LIPT2: variants seen among roughly 807,000 people sequenced by gnomAD.
The protein encoded by LIPT2 is octanoyl-[acyl-carrier-protein]:protein N-octanoyltransferase LIPT2, mitochondrial.
In LIPT2, 16 loss-of-function variants were observed where a neutral mutation model predicts 16.2. The ratio of observed to expected loss-of-function variants is 0.99; its 90% CI spans 0.67 to 1.50. LIPT2 has a LOEUF of 1.50. Ranked by LOEUF, LIPT2 falls within the 40% of genes most tolerant of loss-of-function variation. The pLI is 0.00. For missense variants in LIPT2, 424 were observed against 347.7 expected (o/e 1.22, Z -1.75); for synonymous variants, 199 against 169.3 (o/e 1.18, Z -1.36).
rs1864391216 is a variant in LIPT2, at chr11:74,493,315, T to C, written c.389A>G (p.Gln130Arg). ...EACAVRLCEL[Q>R]GLQDARARPP... The stretch of plus-strand genomic sequence containing the variant: ...CCGCGCGCGGGCGTCCTGCAGGCCC[T>C]GGAGCTCGCACAGGCGCACGGCGCA... The change falls in exon 1 of 2, where the codon CAG becomes CGG. Residue 130 changes from glutamine to arginine, a missense_variant. Transcript: ENST00000310109. The C allele has an allele frequency of 1.4e-6, 2 of 1,462,914 alleles. No individual in the cohort carries two copies. Among genetic ancestry groups the C allele is most frequent in the South Asian group, 1.3e-5 (1 of 75,932 alleles). 90.6% of individuals were successfully genotyped at this position (1,462,914 alleles called of 1,614,324 possible). A position where few individuals can be genotyped will look rare whatever the true frequency, so the allele number is the denominator to read the frequency against.
rs1257940843 is a variant in LIPT2 at position 74,493,341 on chromosome 11, C to A, written c.363G>T (p.Ala121=). Residue 121 remains alanine (A), a synonymous_variant, in exon 1 of 2, where the codon GCG becomes GCT. Transcript: ENST00000310109. Reference sequence around the variant, plus strand: ...GGAGCTCGCACAGGCGCACGGCGCACGCCTCCAGCGACGCTACGTGCATGC... The same window carrying A: ...GGAGCTCGCACAGGCGCACGGCGCAAGCCTCCAGCGACGCTACGTGCATGC... The part of the protein sequence containing the change: ...RLRMHVASLE[A]CAVRLCELQG... The A allele has an allele frequency of 5.3e-6, 8 of 1,498,512 alleles. No homozygotes were observed. The highest frequency in any genetic ancestry group is 7.1e-6 in the Non-Finnish European group (8 of 1,130,132). The allele number at this position is 1,498,512 out of a possible 1,614,324, so 92.8% of individuals were successfully genotyped here.
intron 1 of LIPT2, among the ~76,000 whole-genome samples, chr11:74,492,643 C>T (rs1864368269): frequency 1.3e-5 from 2 of 151,856 alleles, no homozygotes; most frequent in African/African-American, 4.8e-5. Context: ...CAGTGGCTCA[C>T]GCCTGTAATC....
rs931833159 is a variant in LIPT2, at chr11:74,491,218, G to A, written c.*917C>T. ...CTTGTCAGCAACCATAACCAACCAC[G>A]CAAGTGAATGCACCATATGGAGCGC... On this transcript the variant is annotated 3_prime_UTR_variant, in exon 2 of 2. Coordinates refer to ENST00000310109, the MANE Select transcript of LIPT2 (RefSeq NM_001144869.3). Among the ~76,000 whole-genome samples, 1 of 152,144 alleles carries A rather than the reference G, an allele frequency of 6.6e-6. No individual in the cohort carries two copies. The highest frequency in any genetic ancestry group is 2.4e-5 in the African/African-American group (1 of 41,426).
In LIPT2 at chr11:74,492,186, G is replaced by A. The variant is rs1007228286; in HGVS notation, c.645C>T (p.Ala215=). 1.3e-6 allele frequency: 2 copies of A among 1,550,944 alleles called. No individual in the cohort carries two copies. The highest frequency in any genetic ancestry group is 1.7e-6 in the Non-Finnish European group (2 of 1,146,750). The change falls in exon 2 of 2, where the codon GCC becomes GCT. Residue 215 remains alanine (A), a synonymous_variant. Transcript: ENST00000310109. ...VEEVMPPFLV[A]FKEIYKCTLI... is the part of the protein sequence containing the mutation. Reference sequence around the variant, plus strand: ...GTGTGCACTTGTAGATCTCCTTAAAGGCCACAAGGAAAGGTGGCATTACTT... The same window carrying A: ...GTGTGCACTTGTAGATCTCCTTAAAAGCCACAAGGAAAGGTGGCATTACTT...
At position 74,492,158 on chromosome 11, in the gene LIPT2, T is replaced by A. The variant is rs1418870028; in HGVS notation, c.673A>T (p.Ile225Phe). 1.9e-6 allele frequency: 3 copies of A among 1,551,600 alleles called. No homozygotes were observed. The African/African-American group carries it at 4.1e-5, about 21-fold the overall frequency. ...CTTCAGTTGGGGCTGTCCTCTGAGA[T>A]CAGTGTGCACTTGTAGATCTCCTTA... Reference protein sequence around the residue: ...AFKEIYKCTLISEDSPN With the variant: ...AFKEIYKCTLFSEDSPN Residue 225 changes from isoleucine (I) to phenylalanine (F), a missense_variant, in exon 2 of 2, where the codon ATC becomes TTC. Transcript: ENST00000310109.
chr11:74,493,441 A>C lies in LIPT2; in HGVS notation c.263T>G (p.Leu88Arg). 2.7e-6 allele frequency: 4 copies of C among 1,499,360 alleles called. No homozygotes were observed. The Admixed American group carries it at 6.4e-5, about 24-fold the overall frequency. The allele number at this position is 1,499,360 out of a possible 1,614,324, so 92.9% of individuals were successfully genotyped here. A position where few individuals can be genotyped will look rare whatever the true frequency, so the allele number is the denominator to read the frequency against. Residue 88 changes from leucine (L) to arginine (R), a missense_variant, in exon 1 of 2, where the codon CTG (leucine) becomes CGG (arginine). Transcript: ENST00000310109. Reference sequence around the variant, plus strand: ...CTGGCCCGGGCCGTGGAAGGTGGCCAGGCCACCGCGGCCTGTGACGCGCAC... The same window carrying C: ...CTGGCCCGGGCCGTGGAAGGTGGCCCGGCCACCGCGGCCTGTGACGCGCAC... ...AEVRVTGRGGLATFHGPGQLL... is the reference protein window; with the variant it reads ...AEVRVTGRGGRATFHGPGQLL...
chr11:74,491,496 T>A lies in LIPT2; in HGVS notation c.*639A>T, dbSNP rs1384695720. On this transcript the variant is annotated 3_prime_UTR_variant, in exon 2 of 2. Coordinates refer to ENST00000310109, the MANE Select transcript of LIPT2 (RefSeq NM_001144869.3). ...AAAACTCACTTCTATCTTTGGCATT[T>A]GTACAGTGTGAGAAATTATTCTTAT... 6.6e-6 allele frequency among the ~76,000 whole-genome samples: 1 copy of A among 152,246 alleles called. No individual in the cohort carries two copies. The highest frequency in any genetic ancestry group is 1.5e-5 in the Non-Finnish European group (1 of 68,034).
chr11:74,491,002 C>T lies in LIPT2; in HGVS notation c.*1133G>A, dbSNP rs1052558925. Among the ~76,000 whole-genome samples, 3 of 152,212 alleles carry T rather than the reference C, an allele frequency of 2.0e-5. No homozygotes were observed. Among genetic ancestry groups the T allele is most frequent in the African/African-American group, 7.2e-5 (3 of 41,452 alleles). The stretch of plus-strand genomic sequence containing the variant: ...TTGCCCTAGTGCAGTCCCTTCCACA[C>T]TGAACAGGGCTCATCTGTTAGAAGA... On this transcript the variant is annotated 3_prime_UTR_variant, in exon 2 of 2. Transcript: ENST00000310109.
chr11:74,492,523 TGAAAG>T (rs1215016452), intron 1 of LIPT2, among the ~76,000 whole-genome samples, 159 bp from the exon 2 acceptor site: 2 of 131,204 alleles, frequency 1.5e-5, no homozygotes, highest in East Asian at 4.6e-4. Context: ...AGGAAACAAA[TGAAAG>T]GAAGGGGTGC....
rs1299464810 is a variant in LIPT2 at position 74,493,243 on chromosome 11, G to A, written c.461C>T (p.Ala154Val). Residue 154 changes from alanine to valine, a missense_variant, in exon 1 of 2, where the codon GCG (alanine) becomes GTG (valine). Physicochemically the swap from Ala to Val is moderately conservative, Grantham distance 64 (BLOSUM62 0). Coordinates refer to ENST00000310109, the MANE Select transcript of LIPT2 (RefSeq NM_001144869.3). Reference sequence around the variant, plus strand: ...CCCTGCTCCGCGGCGCTCACCGATCGCGCAGATCTTGCGATCGTCTAGCCA... The same window carrying A: ...CCCTGCTCCGCGGCGCTCACCGATCACGCAGATCTTGCGATCGTCTAGCCA... ...GVWLDDRKIC[A>V]IGVRCGRHIT... 11 of 1,349,718 alleles carry A rather than the reference G, an allele frequency of 8.1e-6. No homozygotes were observed. Among genetic ancestry groups the A allele is most frequent in the South Asian group, 3.6e-5 (2 of 56,186 alleles). The allele number at this position is 1,349,718 out of a possible 1,614,324, so 83.6% of individuals were successfully genotyped here.
Position 74,492,297 on chromosome 11 carries a change from C to T in LIPT2, c.534G>A (p.Trp178Ter), listed in dbSNP as rs1349725988. The change falls in exon 2 of 2, where the codon TGG (tryptophan) becomes TGA (stop). Residue 178 changes from tryptophan (W) to a stop codon, truncating the protein, a stop_gained. Transcript: ENST00000310109. LOFTEE classifies it high-confidence loss of function. Reference sequence around the variant, plus strand: ...GTCCACAGGGCACGATGTGCTCAAACCACGTGAGGTCGGTAGAGCAGTTGA... The same window carrying T: ...GTCCACAGGGCACGATGTGCTCAAATCACGTGAGGTCGGTAGAGCAGTTGA... ...LALNCSTDLT[W>*]FEHIVPCGLV... The T allele has an allele frequency of 6.4e-7, 1 of 1,551,838 alleles. No homozygotes were observed. The highest frequency in any genetic ancestry group is 8.7e-7 in the Non-Finnish European group (1 of 1,147,008).
Position 74,493,101 on chromosome 11 carries a change from A to G in LIPT2, c.466+137T>C, listed in dbSNP as rs945417367. On this transcript the variant is annotated intron_variant, in intron 1 of 1. Transcript: ENST00000310109. ...GCTTAAAAACTCAAACGCAGCGGGT[A>G]GCTGTGATTCAAAACCCGCGCTAGA... is the stretch of plus-strand genomic sequence containing the variant. 3 of 509,650 alleles carry G rather than the reference A, an allele frequency of 5.9e-6. No individual in the cohort carries two copies. The African/African-American group carries it at 5.9e-5, about 10-fold the overall frequency. The allele number at this position is 509,650 out of a possible 1,614,324, so 31.6% of individuals were successfully genotyped here.
At position 74,493,628 on chromosome 11, in the gene LIPT2, A is replaced by G. The variant is rs1864409365; in HGVS notation, c.76T>C (p.Trp26Arg). 1 of 1,458,586 alleles carries G rather than the reference A, an allele frequency of 6.9e-7. No homozygotes were observed. Among genetic ancestry groups the G allele is most frequent in the Non-Finnish European group, 9.0e-7 (1 of 1,111,604 alleles). 90.4% of individuals were successfully genotyped at this position (1,458,586 alleles called of 1,614,324 possible). A position where few individuals can be genotyped will look rare whatever the true frequency, so the allele number is the denominator to read the frequency against. ...GGCTCGGCCTGCAGCCGCCGCAGCC[A>G]GCGGTCCTGCAGCCCCAGTAGCTCG... ...YAELLGLQDR[W>R]LRRLQAEPGI... The change falls in exon 1 of 2, where the codon TGG becomes CGG. Residue 26 changes from tryptophan (W) to arginine (R), a missense_variant. Physicochemically the swap from Trp to Arg is moderately radical, Grantham distance 101 (BLOSUM62 -3). Transcript: ENST00000310109.
rs760634490 is a variant in LIPT2, at chr11:74,492,139, T to C, written c.692A>G (p.Asn231Ser). ...CCTGGCTGTTATGAGTACTCTTCAG[T>C]TGGGGCTGTCCTCTGAGATCAGTGT... ...KCTLISEDSPN is the reference protein window; with the variant it reads ...KCTLISEDSPS The change falls in exon 2 of 2, where the codon AAC becomes AGC. Residue 231 changes from asparagine (N) to serine (S), a missense_variant. Physicochemically the swap from Asn to Ser is conservative, Grantham distance 46 (BLOSUM62 1). Coordinates refer to ENST00000310109, the MANE Select transcript of LIPT2 (RefSeq NM_001144869.3). 4.6e-5 allele frequency: 72 copies of C among 1,550,746 alleles called. No homozygotes were observed. Among genetic ancestry groups the C allele is most frequent in the Admixed American group, 7.8e-5 (4 of 50,984 alleles).
intron 1 of LIPT2, among the ~76,000 whole-genome samples, chr11:74,492,724 T>C (rs917628710): frequency 1.1e-4 from 17 of 151,252 alleles, no homozygotes; most frequent in African/African-American, 3.6e-4. Flanking sequence ...GCTAACACGG[T>C]GAAACCCCAT....
Position 74,491,038 on chromosome 11 carries a change from G to T in LIPT2, c.*1097C>A, listed in dbSNP as rs1308850329. On this transcript the variant is annotated 3_prime_UTR_variant, in exon 2 of 2. Transcript: ENST00000310109. ...TCATCTGTTAGAAGACTACAGAAAT[G>T]CCTGTGTGACTTCTGAGGCTGGGTC... 6.6e-6 allele frequency among the ~76,000 whole-genome samples: 1 copy of T among 152,224 alleles called. No homozygotes were observed. The highest frequency in any genetic ancestry group is 6.5e-5 in the Admixed American group (1 of 15,286).
chr11:74,492,359 G>A lies in LIPT2; in HGVS notation c.472C>T (p.Arg158Cys), dbSNP rs1007474993. The A allele has an allele frequency of 4.5e-6, 7 of 1,550,562 alleles. No individual in the cohort carries two copies. The highest frequency in any genetic ancestry group is 3.9e-5 in the Admixed American group (2 of 50,970). ...TGGGATGTGATGTGCCTTCCACAGC[G>A]GACTCCTGCAAGGCAAGCCAAAGGG... The part of the protein sequence containing the change: ...DDRKICAIGV[R>C]CGRHITSHGL... The change falls in exon 2 of 2, where the codon CGC becomes TGC. Residue 158 changes from arginine to cysteine, a missense_variant. Physicochemically the swap from Arg to Cys is radical, Grantham distance 180. Transcript: ENST00000310109.
Position 74,492,265 on chromosome 11 carries a change from C to A in LIPT2, c.566G>T (p.Gly189Val). ...FEHIVPCGLV[G>V]TGVTSLSKEL... ...CTTACTCAAGGAAGTGACGCCTGTCCCAACCAGTCCACAGGGCACGATGTG... is the reference window on the plus strand; with the variant it reads ...CTTACTCAAGGAAGTGACGCCTGTCACAACCAGTCCACAGGGCACGATGTG... Residue 189 changes from glycine to valine, a missense_variant, in exon 2 of 2, where the codon GGG (glycine) becomes GTG (valine). Coordinates refer to ENST00000310109, the MANE Select transcript of LIPT2 (RefSeq NM_001144869.3). The A allele has an allele frequency of 6.4e-7, 1 of 1,551,772 alleles. No individual in the cohort carries two copies. Among genetic ancestry groups the A allele is most frequent in the Non-Finnish European group, 8.7e-7 (1 of 1,147,010 alleles).
chr11:74,492,315 G>A lies in LIPT2; in HGVS notation c.516C>T (p.Cys172=). ...HITSHGLALN[C]STDLTWFEHI... ...GCTCAAACCACGTGAGGTCGGTAGA[G>A]CAGTTGAGAGCCAGGCCGTGGGATG... Residue 172 remains cysteine (C), a synonymous_variant, in exon 2 of 2, where the codon TGC becomes TGT. Transcript: ENST00000310109. The A allele has an allele frequency of 1.3e-6, 2 of 1,551,828 alleles. No individual in the cohort carries two copies. The highest frequency in any genetic ancestry group is 1.7e-6 in the Non-Finnish European group (2 of 1,146,988).
Sources: allele counts gnomAD v4.1 joint callset (sites outside exome capture counted in the v4.1 genomes callset), GRCh38; gene constraint gnomAD v4.1.1; transcripts MANE v1.5; gene names NCBI Gene and HGNC (gene_info 2026-07-23, HGNC 2026-07-21).